KDM6A: variants seen among roughly 807,000 people sequenced by gnomAD.
KDM6A encodes lysine-specific demethylase 6A.
A neutral mutation model predicts 117.6 loss-of-function variants in KDM6A; 11 were observed. That is an observed-to-expected ratio of 0.09 (90% CI 0.06 to 0.15). The LOEUF (loss-of-function observed/expected upper bound fraction) is 0.15. Among genes scored for constraint, KDM6A ranks in the 10% least tolerant of loss-of-function variants. The probability of loss-of-function intolerance (pLI) is 1.00; values close to 1 mark genes in which losing one functional copy is unlikely to be tolerated. For synonymous variants in KDM6A, 384 were observed against 396.1 expected, an observed-to-expected ratio of 0.97 and a Z score of 0.36; for missense variants, 799 against 1,077.3, an observed-to-expected ratio of 0.74 and a Z score of 3.62.
intron 27 of KDM6A, among the ~76,000 whole-genome samples, chrX:45,102,883 A>G (rs1273119916): frequency 3.6e-5 from 4 of 110,630 alleles, no homozygotes; most frequent in Non-Finnish European, 7.6e-5. Context: ...TATACCCACT[A>G]TTGTCCTAGG....
intron 2 of KDM6A, among the ~76,000 whole-genome samples, chrX:44,889,912 G>A (rs1217018317): frequency 8.9e-6 from 1 of 112,427 alleles, no homozygotes; most frequent in Non-Finnish European, 1.9e-5. Context: ...AATAGAGCTA[G>A]TGTGTGCTTT....
At chrX:44,939,604 G>A (rs888961692) in intron 2 of KDM6A, among the ~76,000 whole-genome samples, 1 of 112,130 alleles carries the variant, frequency 8.9e-6, no homozygotes, top group African/African-American at 3.2e-5. Context: ...GTAGTGGCAG[G>A]GTTTGAGAGA....
chrX:44,880,761 C>T (rs1455476942), intron 2 of KDM6A, among the ~76,000 whole-genome samples: 2 of 108,906 alleles, frequency 1.8e-5, no homozygotes, highest in Non-Finnish European at 3.8e-5. Flanking sequence ...CACTGCACTC[C>T]AGCCTGGGCA....
At chrX:45,062,430 T>C (rs2044342067) in intron 15 of KDM6A, among the ~76,000 whole-genome samples, 1 of 112,250 alleles carries the variant, frequency 8.9e-6, no homozygotes. Flanking sequence ...AAAGAACTCA[T>C]AGTAAATCTT....
chrX:44,935,467 G>A (rs1323246980), intron 2 of KDM6A, among the ~76,000 whole-genome samples: 1 of 110,825 alleles, frequency 9.0e-6, no homozygotes, highest in African/African-American at 3.3e-5. Context: ...TCACGGTGGC[G>A]ATGGGTACAA....
intron 8 of KDM6A, among the ~76,000 whole-genome samples, chrX:45,039,503 ATTT>A (rs756202597): frequency 0.027 from 1,644 of 61,073 alleles, 23 homozygotes; most frequent in African/African-American, 0.084. Context: ...TCATTTGATA[ATTT>A]TTTTTTTTTT....
chrX:45,012,435 T>C (rs1412937113), intron 5 of KDM6A, among the ~76,000 whole-genome samples: 1 of 110,029 alleles, frequency 9.1e-6, no homozygotes, highest in African/African-American at 3.3e-5. Context: ...ACTCCTGACC[T>C]CAAGTGATCC....
intron 10 of KDM6A, among the ~76,000 whole-genome samples, chrX:45,058,661 A>G (rs1010423954): frequency 1.8e-5 from 2 of 110,812 alleles, no homozygotes; most frequent in Non-Finnish European, 1.9e-5. Context: ...GTCAAGCTGT[A>G]TAAGAAGAGT....
At chrX:44,973,729 G>A (rs910805384) in intron 3 of KDM6A, among the ~76,000 whole-genome samples, 1 of 109,769 alleles carries the variant, frequency 9.1e-6, no homozygotes, top group Non-Finnish European at 1.9e-5. Flanking sequence ...TTAGACCTCC[G>A]GGGCACAGTT....
chrX:45,064,709 A>C (rs1233504387), intron 17 of KDM6A, among the ~76,000 whole-genome samples: 1 of 112,134 alleles, frequency 8.9e-6, no homozygotes, highest in Non-Finnish European at 1.9e-5. Context: ...ATTTACTATG[A>C]GAAATATTTG....
intron 2 of KDM6A, among the ~76,000 whole-genome samples, chrX:44,889,633 GTTATCTAATCC>G (rs2146582947): frequency 9.0e-6 from 1 of 111,529 alleles, no homozygotes; most frequent in Non-Finnish European, 1.9e-5. Flanking sequence ...GGCTATATAG[GTTATCTAATCC>G]TTAAATAGTC....
Position 44,973,704 on chromosome X carries a change from T to C in KDM6A, c.335-962T>C, listed in dbSNP as rs930733480. On this transcript the variant is annotated intron_variant, in intron 3 of 29. Transcript: ENST00000611820. ...TCCTTTTATTCTTTCTTTTTGGGGC[T>C]CTATTATTGATATGTTAGACCTCCG... 3.6e-5 allele frequency among the ~76,000 whole-genome samples: 4 copies of C among 111,445 alleles called. No individual in the cohort carries two copies. In the East Asian group the frequency reaches 1.1e-3, roughly 31 times the overall value.
intron 4 of KDM6A, among the ~76,000 whole-genome samples, chrX:44,994,470 A>G (rs2040770106): frequency 8.9e-6 from 1 of 112,170 alleles, no homozygotes. Context: ...TAGTATTTCA[A>G]GGTGTATATA....
intron 10 of KDM6A, among the ~76,000 whole-genome samples, chrX:45,058,292 T>G (rs1286613105): frequency 9.1e-6 from 1 of 109,992 alleles, no homozygotes; most frequent in African/African-American, 3.3e-5. Flanking sequence ...GTGCCAAGAA[T>G]AAGAAGATAA....
intron 2 of KDM6A, among the ~76,000 whole-genome samples, chrX:44,958,110 A>C (rs2038443106): frequency 1.8e-5 from 2 of 111,278 alleles, no homozygotes; most frequent in Admixed American, 1.9e-4. Context: ...TTTTCTTTCA[A>C]ATTTCTGACA....
chrX:44,912,146 TG>T (rs1302036820), intron 2 of KDM6A, among the ~76,000 whole-genome samples: 4 of 110,652 alleles, frequency 3.6e-5, no homozygotes, highest in Non-Finnish European at 7.6e-5. Context: ...TGGAGTGCAA[TG>T]GCGAGATCTT....
At chrX:44,964,214 C>A (rs962126110) in intron 3 of KDM6A, among the ~76,000 whole-genome samples, 4 of 108,222 alleles carry the variant, frequency 3.7e-5, no homozygotes, top group Non-Finnish European at 5.8e-5. Flanking sequence ...CTTTGGGAGG[C>A]CTCGGTAGGT....
At chrX:44,880,567 G>A (rs1331544013) in intron 2 of KDM6A, among the ~76,000 whole-genome samples, 1 of 108,491 alleles carries the variant, frequency 9.2e-6, no homozygotes, top group Admixed American at 1.0e-4. Flanking sequence ...GAGGCGGATG[G>A]ATCAACTGAG....
In KDM6A at chrX:45,068,896, G is replaced by T. The variant is rs763728390; in HGVS notation, c.2080-683G>T. Among the ~76,000 whole-genome samples the T allele has an allele frequency of 2.0e-3, 209 of 102,698 alleles. 1 individual carries two copies. Among genetic ancestry groups the T allele is most frequent in the African/African-American group, 7.3e-3 (203 of 27,748 alleles). The allele number at this position is 102,698 out of a possible 115,157, so 89.2% of individuals were successfully genotyped here. ...TCTTTTGTGGAGACGGAGTCTCATT[G>T]TGTTGCCCAGCCTGGTCTCGAACTC... On this transcript the variant is annotated intron_variant, in intron 17 of 29. Coordinates refer to ENST00000611820, the MANE Select transcript of KDM6A (RefSeq NM_001291415.2).
Sources: allele counts gnomAD v4.1 joint callset (sites outside exome capture counted in the v4.1 genomes callset), GRCh38; gene constraint gnomAD v4.1.1; transcripts MANE v1.5; gene names NCBI Gene and HGNC (gene_info 2026-07-23, HGNC 2026-07-21).